ZNF385D: variants seen among roughly 807,000 people sequenced by gnomAD.
The protein encoded by ZNF385D is zinc finger protein 659.
In ZNF385D, 15 loss-of-function variants were observed where a neutral mutation model predicts 35.8. The observed-to-expected ratio is 0.42, with a 90% CI of 0.28 to 0.64. The LOEUF is 0.64. Among genes scored for constraint, ZNF385D ranks in the 30% least tolerant of loss-of-function variants. The probability of loss-of-function intolerance (pLI) is 0.23; values close to 1 mark genes in which losing one functional copy is unlikely to be tolerated. For missense variants in ZNF385D, 474 were observed against 494.6 expected (o/e 0.96, Z 0.39); for synonymous variants, 212 against 186.8 (o/e 1.13, Z -1.10).
At chr3:21,939,222 T>C in intron 3 of ZNF385D, among the ~76,000 whole-genome samples, 1 of 152,246 alleles carries the variant, frequency 6.6e-6, no homozygotes, top group East Asian at 1.9e-4. Flanking sequence ...TTAGCATTTA[T>C]TGGGCTTCTA....
At chr3:21,658,898 G>A (rs1377148196) in intron 2 of ZNF385D, among the ~76,000 whole-genome samples, 2 of 151,942 alleles carry the variant, frequency 1.3e-5, no homozygotes, top group African/African-American at 4.8e-5. Context: ...AGAGGTACCT[G>A]CCAGTGTAGA....
At chr3:22,151,250 G>A (rs1039529789) in intron 3 of ZNF385D, among the ~76,000 whole-genome samples, 1 of 152,134 alleles carries the variant, frequency 6.6e-6, no homozygotes, top group African/African-American at 2.4e-5. Flanking sequence ...CTGGCTGACG[G>A]TGGTAGCACT....
At chr3:21,948,249 T>A (rs1051037347) in intron 3 of ZNF385D, among the ~76,000 whole-genome samples, 2 of 126,650 alleles carry the variant, frequency 1.6e-5, no homozygotes, top group African/African-American at 8.1e-5. Context: ...TGAAATAGAT[T>A]AATTTAAGAG....
chr3:21,520,178 C>T (rs1707821683), intron 3 of ZNF385D, among the ~76,000 whole-genome samples: 2 of 152,132 alleles, frequency 1.3e-5, no homozygotes, highest in Admixed American at 1.3e-4. Context: ...CCTGTACTTG[C>T]CTGGTAGATG....
Position 21,856,017 on chromosome 3 carries a change from T to C in ZNF385D, c.326-190989A>G, listed in dbSNP as rs1250197495. Among the ~76,000 whole-genome samples the C allele has an allele frequency of 5.9e-5, 9 of 152,162 alleles. No homozygotes were observed. The East Asian group carries it at 1.7e-3, about 30-fold the overall frequency. On this transcript the variant is annotated intron_variant, in intron 3 of 5. Coordinates refer to the ZNF385D transcript ENST00000494108. ...TGTGTAAAGATATACATATATAGTA[T>C]TCATGTGTGTGTCTGTGTGTGTAAC...
intron 4 of ZNF385D, chr3:21,443,101 C>A: frequency 5.1e-6 from 5 of 981,266 alleles, no homozygotes; most frequent in Non-Finnish European, 6.1e-6. Context: ...GTGCTTTAAA[C>A]GGCCTAGAAA....
intron 2 of ZNF385D, among the ~76,000 whole-genome samples, chr3:22,173,681 C>CG (rs1694621874): frequency 6.6e-6 from 1 of 152,056 alleles, no homozygotes; most frequent in Non-Finnish European, 1.5e-5. Context: ...GCTTCATGTG[C>CG]GGTCCACCAT....
At chr3:21,596,511 G>A (rs2064131645) in intron 2 of ZNF385D, among the ~76,000 whole-genome samples, 1 of 151,930 alleles carries the variant, frequency 6.6e-6, no homozygotes, top group African/African-American at 2.4e-5. Flanking sequence ...AGGGGTGCAA[G>A]TAGTTTTATT....
At chr3:22,279,019 G>A (rs911624736) in intron 2 of ZNF385D, among the ~76,000 whole-genome samples, 15 of 152,124 alleles carry the variant, frequency 9.9e-5, no homozygotes, top group Admixed American at 5.9e-4. Flanking sequence ...ATTCTATGGC[G>A]TCCACTTCCT....
intron 3 of ZNF385D, among the ~76,000 whole-genome samples, chr3:21,922,987 C>G (rs1700547602): frequency 6.6e-6 from 1 of 152,160 alleles, no homozygotes; most frequent in South Asian, 2.1e-4. Flanking sequence ...TGAACATACA[C>G]TTCTCAAAAG....
intron 3 of ZNF385D, among the ~76,000 whole-genome samples, chr3:22,025,397 AC>A (rs1239831472): frequency 1.3e-5 from 2 of 152,110 alleles, no homozygotes; most frequent in Non-Finnish European, 2.9e-5. Context: ...TGAGAGTGTG[AC>A]CCATGAGGAG....
At chr3:21,694,811 G>A (rs7628221) in intron 1 of ZNF385D, among the ~76,000 whole-genome samples, 10 of 151,640 alleles carry the variant, frequency 6.6e-5, no homozygotes, top group East Asian at 1.9e-4. Flanking sequence ...GTGTAGTGTC[G>A]GGCCAGTTAT....
intron 1 of ZNF385D, among the ~76,000 whole-genome samples, chr3:21,682,661 G>T (rs1252272413): frequency 6.7e-6 from 1 of 149,912 alleles, no homozygotes; most frequent in Non-Finnish European, 1.5e-5. Context: ...TACAAAATTA[G>T]AGCAAGTTAG....
chr3:21,428,877 G>T (rs1173518830), intron 5 of ZNF385D, among the ~76,000 whole-genome samples: 3 of 144,866 alleles, frequency 2.1e-5, no homozygotes, highest in Non-Finnish European at 4.5e-5. Flanking sequence ...TCTGAAAGGT[G>T]AAATCATACT....
chr3:22,314,715 T>A (rs984993864), intron 2 of ZNF385D, among the ~76,000 whole-genome samples: 5 of 152,112 alleles, frequency 3.3e-5, no homozygotes, highest in African/African-American at 7.2e-5. Flanking sequence ...ATCATCCCCA[T>A]TGAGAATGCA....
At chr3:21,425,415 AAAGG>A in intron 6 of ZNF385D, 73 bp downstream of exon 6, 1 of 1,400,320 alleles carries the variant, frequency 7.1e-7, no homozygotes. Flanking sequence ...ACAGAAATAA[AAAGG>A]AAGGAAGCAC....
At chr3:22,056,444 G>A (rs1699405182) in intron 3 of ZNF385D, among the ~76,000 whole-genome samples, 1 of 152,076 alleles carries the variant, frequency 6.6e-6, no homozygotes, top group Non-Finnish European at 1.5e-5. Flanking sequence ...CATTTAGGTG[G>A]GAATGTCACC....
At chr3:21,763,321 A>G (rs910619054) in intron 3 of ZNF385D, among the ~76,000 whole-genome samples, 2 of 152,254 alleles carry the variant, frequency 1.3e-5, no homozygotes, top group Non-Finnish European at 2.9e-5. Context: ...CTTTCTCTAT[A>G]ACAAAGGTAA....
chr3:21,970,032 C>T (rs1372762091), intron 3 of ZNF385D, among the ~76,000 whole-genome samples: 2 of 152,072 alleles, frequency 1.3e-5, no homozygotes, highest in East Asian at 1.9e-4. Flanking sequence ...GATATAGCTG[C>T]GGTGATGAAA....
Sources: allele counts gnomAD v4.1 joint callset (sites outside exome capture counted in the v4.1 genomes callset), GRCh38; gene constraint gnomAD v4.1.1; transcripts MANE v1.5; gene names NCBI Gene and HGNC (gene_info 2026-07-23, HGNC 2026-07-21).